FBXL20: variants seen among roughly 807,000 people sequenced by gnomAD.
The protein encoded by FBXL20 is F-box/LRR-repeat protein 20.
FBXL20 carries 11 observed loss-of-function variants against 64.0 expected under a neutral mutation model. The observed-to-expected ratio is 0.17, with a 90% confidence interval of 0.11 to 0.28. The LOEUF (loss-of-function observed/expected upper bound fraction) is 0.28, where lower values mean the gene tolerates loss of function less well. Ranked by LOEUF, FBXL20 falls within the 10% of genes least tolerant of loss-of-function variation. FBXL20 has a pLI of 1.00. For synonymous variants in FBXL20, 184 were observed against 189.0 expected (o/e 0.97, Z 0.22); for missense variants, 303 against 526.2 (o/e 0.58, Z 4.15).
chr17:39,291,537 G>A (rs1013717739), intron 6 of FBXL20, among the ~76,000 whole-genome samples: 14 of 147,908 alleles, frequency 9.5e-5, no homozygotes, highest in African/African-American at 3.5e-4. Context: ...GGGTTCAAGC[G>A]ATTCTCCTGC....
intron 1 of FBXL20, among the ~76,000 whole-genome samples, chr17:39,364,807 A>G (rs912168600): frequency 3.3e-5 from 5 of 152,212 alleles, no homozygotes; most frequent in Non-Finnish European, 7.3e-5. Context: ...GTCTCAGAGT[A>G]TAAGTGAGGC....
intron 6 of FBXL20, among the ~76,000 whole-genome samples, chr17:39,295,781 G>GTATATATATATATATATA (rs1567867865): frequency 4.1e-5 from 5 of 123,196 alleles, no homozygotes; most frequent in African/African-American, 1.7e-4. Flanking sequence ...ATGCAAATAT[G>GTATATATATATATATATA]GAGATATATA....
chr17:39,364,673 A>C (rs918799394), intron 1 of FBXL20, among the ~76,000 whole-genome samples: 1 of 152,230 alleles, frequency 6.6e-6, no homozygotes, highest in Non-Finnish European at 1.5e-5. Flanking sequence ...GCTAGGACTT[A>C]AGAGACAATA....
intron 1 of FBXL20, among the ~76,000 whole-genome samples, chr17:39,376,054 G>C (rs2047963961): frequency 6.6e-6 from 1 of 152,118 alleles, no homozygotes; most frequent in Non-Finnish European, 1.5e-5. Context: ...AGGAGGCGGA[G>C]GTTGCAATGA....
At chr17:39,277,126 C>T (rs142379197) in intron 9 of FBXL20, among the ~76,000 whole-genome samples, 2 of 152,302 alleles carry the variant, frequency 1.3e-5, no homozygotes, top group East Asian at 3.9e-4. Flanking sequence ...ATATCCACTG[C>T]TTAAATCATG....
At chr17:39,375,568 T>C (rs567888281) in intron 1 of FBXL20, among the ~76,000 whole-genome samples, 1 of 152,316 alleles carries the variant, frequency 6.6e-6, no homozygotes, top group African/African-American at 2.4e-5. Context: ...AAATGATAAA[T>C]ACTTAAGGTG....
At chr17:39,276,221 GAAAAAAAAAAAA>G (rs1215336803) in intron 9 of FBXL20, among the ~76,000 whole-genome samples, 1 of 60,570 alleles carries the variant, frequency 1.7e-5, no homozygotes, top group African/African-American at 6.3e-5. Flanking sequence ...AGCAAGAAAA[GAAAAAAAAAAAA>G]AAAAAAAAAA....
At chr17:39,264,614 C>T (rs1386760344) in intron 13 of FBXL20, among the ~76,000 whole-genome samples, 7 of 152,142 alleles carry the variant, frequency 4.6e-5, no homozygotes, top group Non-Finnish European at 1.5e-5. Context: ...TTTATAAATT[C>T]ATGTAATGAC....
At position 39,359,903 on chromosome 17, in the gene FBXL20, T is replaced by C. The variant is rs1249605905; in HGVS notation, c.43-16662A>G. On this transcript the variant is annotated intron_variant, in intron 1 of 14. Transcript: ENST00000264658. ...CCAACAGATGAATGAATAAACAAAA[T>C]GTGCTTTTTACATAAAATGGAATAT... Among the ~76,000 whole-genome samples the C allele has an allele frequency of 5.9e-5, 9 of 152,200 alleles. No homozygotes were observed. In the South Asian group the frequency reaches 6.2e-4, roughly 11 times the overall value.
At chr17:39,401,065 G>A (rs551781160) in intron 1 of FBXL20, among the ~76,000 whole-genome samples, 1 of 152,364 alleles carries the variant, frequency 6.6e-6, no homozygotes, top group African/African-American at 2.4e-5. Flanking sequence ...GCCAAGGGTT[G>A]TGTAAAGAAT....
At chr17:39,366,650 G>A (rs2047862556) in intron 1 of FBXL20, among the ~76,000 whole-genome samples, 1 of 152,138 alleles carries the variant, frequency 6.6e-6, no homozygotes, top group Admixed American at 6.6e-5. Flanking sequence ...AATTTGGCTT[G>A]CAATAAAATT....
At chr17:39,295,495 T>C (rs1205746092) in intron 6 of FBXL20, among the ~76,000 whole-genome samples, 1 of 152,132 alleles carries the variant, frequency 6.6e-6, no homozygotes, top group East Asian at 1.9e-4. Flanking sequence ...CCTCAAGTTA[T>C]CCACCCACCT....
upstream of FBXL20, chr17:39,402,166 C>T: frequency 8.1e-7 from 1 of 1,232,900 alleles, no homozygotes; most frequent in Non-Finnish European, 1.0e-6. Flanking sequence ...CTTCCCCTGT[C>T]ACTCACTGTC....
At chr17:39,331,287 G>C (rs2144538827) in intron 2 of FBXL20, among the ~76,000 whole-genome samples, 1 of 152,302 alleles carries the variant, frequency 6.6e-6, no homozygotes, top group South Asian at 2.1e-4. Flanking sequence ...TTTTAGTAGA[G>C]ATGGGGTTTT....
chr17:39,315,799 G>A (rs1210763770), intron 2 of FBXL20, among the ~76,000 whole-genome samples: 3 of 149,284 alleles, frequency 2.0e-5, no homozygotes, highest in Non-Finnish European at 4.4e-5. Flanking sequence ...AGTGAAGAGG[G>A]GATCTTTGAG....
At chr17:39,280,890 A>G (rs1382667886) in intron 9 of FBXL20, among the ~76,000 whole-genome samples, 1 of 152,034 alleles carries the variant, frequency 6.6e-6, no homozygotes, top group Non-Finnish European at 1.5e-5. Context: ...CAGCCTCCCA[A>G]GAAGCTGGGA....
intron 2 of FBXL20, among the ~76,000 whole-genome samples, chr17:39,334,842 C>A (rs1205685782): frequency 2.0e-5 from 3 of 152,132 alleles, no homozygotes; most frequent in Non-Finnish European, 4.4e-5. Flanking sequence ...GTAATCCCAG[C>A]ACTTTGGGAG....
In FBXL20 at chr17:39,259,114, A is replaced by G. The variant is rs1233902577; in HGVS notation, c.*2346T>C. 1 of 152,150 alleles carries G rather than the reference A, an allele frequency of 6.6e-6. No homozygotes were observed. Among genetic ancestry groups the G allele is most frequent in the African/African-American group, 2.4e-5 (1 of 41,436 alleles). The allele number at this position is 152,150 out of a possible 1,614,324, so 9.4% of individuals were successfully genotyped here. A position where few individuals can be genotyped will look rare whatever the true frequency, so the allele number is the denominator to read the frequency against. On this transcript the variant is annotated 3_prime_UTR_variant, in exon 15 of 15. Coordinates refer to ENST00000264658, the MANE Select transcript of FBXL20 (RefSeq NM_032875.3). ...AATTGCCTTCTAAATCAATGGATAA[A>G]TAAATCAGACTTTATTCTTATATAT...
chr17:39,399,618 C>T (rs762420988), intron 1 of FBXL20, among the ~76,000 whole-genome samples: 4 of 152,118 alleles, frequency 2.6e-5, no homozygotes, highest in Non-Finnish European at 5.9e-5. Context: ...AAGGACTCCC[C>T]ACCTTATTCT....
Sources: allele counts gnomAD v4.1 joint callset (sites outside exome capture counted in the v4.1 genomes callset), GRCh38; gene constraint gnomAD v4.1.1; transcripts MANE v1.5; gene names NCBI Gene and HGNC (gene_info 2026-07-23, HGNC 2026-07-21).